The following ARID4A variants were observed in gnomAD, a reference collection of about 807,000 sequenced individuals.
ARID4A encodes the protein AT-rich interaction domain 4A.
Under a neutral mutation model 148.6 loss-of-function variants are expected in ARID4A, and 39 were observed. The ratio of observed to expected loss-of-function variants is 0.26; its 90% CI spans 0.20 to 0.34. The LOEUF is 0.34. Among genes scored for constraint, ARID4A ranks in the 10% least tolerant of loss-of-function variants. ARID4A has a pLI of 1.00. For missense variants in ARID4A, 1,265 were observed against 1,449.1 expected (o/e 0.87, Z 2.06); for synonymous variants, 475 against 481.2 (o/e 0.99, Z 0.17).
At chr14:58,343,136 G>T (rs1417327555) in intron 11 of ARID4A, among the ~76,000 whole-genome samples, 1 of 152,144 alleles carries the variant, frequency 6.6e-6, no homozygotes, top group Non-Finnish European at 1.5e-5. Context: ...ATAAAAGCAA[G>T]ATTTTTAAAT....
At chr14:58,330,255 G>A in intron 11 of ARID4A, 86 bp downstream of exon 11, 1 of 1,498,898 alleles carries the variant, frequency 6.7e-7, no homozygotes. Context: ...CCTCTGTTTA[G>A]ATTCTCTATT....
chr14:58,327,928 C>A (rs571426865), intron 8 of ARID4A, among the ~76,000 whole-genome samples: 10 of 152,318 alleles, frequency 6.6e-5, no homozygotes, highest in Non-Finnish European at 1.3e-4. Context: ...CCACCTTGAC[C>A]TCCCAAAATG....
chr14:58,349,635 A>T (rs965944689), intron 15 of ARID4A, among the ~76,000 whole-genome samples: 1 of 152,128 alleles, frequency 6.6e-6, no homozygotes, highest in East Asian at 1.9e-4. Flanking sequence ...AAGTGCTTGA[A>T]CCCAGGAGGC....
intron 4 of ARID4A, 37 bp from the exon 5 acceptor site, chr14:58,305,985 T>A: frequency 6.6e-7 from 1 of 1,521,812 alleles, no homozygotes. Flanking sequence ...GTTTATTTGT[T>A]TAAATTTGGT....
At chr14:58,299,774 G>A (rs1418418706) in intron 1 of ARID4A, 24 bp from the exon 2 acceptor site, 4 of 1,593,980 alleles carry the variant, frequency 2.5e-6, no homozygotes, top group Non-Finnish European at 3.4e-6. Context: ...TTATGTCTGT[G>A]CCTGTCTTTC....
intron 8 of ARID4A, among the ~76,000 whole-genome samples, chr14:58,324,349 C>T (rs1477699209): frequency 6.6e-6 from 1 of 152,234 alleles, no homozygotes; most frequent in African/African-American, 2.4e-5. Context: ...GAGCACAGCT[C>T]ACTGCAGCTT....
chr14:58,305,953 T>C, intron 4 of ARID4A, 69 bp from the exon 5 acceptor site: 1 of 1,063,700 alleles, frequency 9.4e-7, no homozygotes, highest in Non-Finnish European at 1.5e-6. Flanking sequence ...AGCTAGATTA[T>C]ATAGTTGGTG....
chr14:58,319,923 A>C (rs183319565), intron 7 of ARID4A, among the ~76,000 whole-genome samples: 3 of 146,902 alleles, frequency 2.0e-5, no homozygotes, highest in African/African-American at 7.5e-5. Flanking sequence ...TTCCCTCTCT[A>C]TATATATACT....
intron 7 of ARID4A, among the ~76,000 whole-genome samples, chr14:58,320,299 G>A (rs968122828): frequency 1.3e-5 from 2 of 152,062 alleles, no homozygotes; most frequent in Non-Finnish European, 2.9e-5. Context: ...AACTATTTGA[G>A]AGGAAGTGGC....
chr14:58,362,651 G>A (rs1409563101), intron 19 of ARID4A, among the ~76,000 whole-genome samples: 1 of 151,888 alleles, frequency 6.6e-6, no homozygotes, highest in Non-Finnish European at 1.5e-5. Flanking sequence ...TCCACCTCCT[G>A]GGTTCAAGCA....
In ARID4A at chr14:58,310,924, C is replaced by T. The variant is rs181363810; in HGVS notation, c.274+4812C>T. Among the ~76,000 whole-genome samples the T allele has an allele frequency of 1.5e-3, 226 of 152,110 alleles. 2 individuals are homozygous for T. Among genetic ancestry groups the T allele is most frequent in the African/African-American group, 5.1e-3 (211 of 41,496 alleles). ...GAATTTATAAGGAACTTAAACAACT[C>T]GATAGCAAGAAAACAACCCAATTTT... On this transcript the variant is annotated intron_variant, in intron 5 of 23. Transcript: ENST00000355431.
chr14:58,339,829 T>C (rs1242546960), intron 11 of ARID4A, among the ~76,000 whole-genome samples: 1 of 140,978 alleles, frequency 7.1e-6, no homozygotes, highest in Non-Finnish European at 1.5e-5. Context: ...CAAGCATATC[T>C]TCACGTGGCA....
chr14:58,337,560 G>A (rs1466798700), intron 11 of ARID4A, among the ~76,000 whole-genome samples: 2 of 151,924 alleles, frequency 1.3e-5, no homozygotes, highest in Non-Finnish European at 2.9e-5. Context: ...ACCTTGGCAG[G>A]GGGAACTAAG....
Position 58,366,151 on chromosome 14 carries a change from C to G in ARID4A, c.3444C>G (p.Ile1148Met). The G allele has an allele frequency of 6.2e-7, 1 of 1,613,892 alleles. No homozygotes were observed. Among genetic ancestry groups the G allele is most frequent in the Non-Finnish European group, 8.5e-7 (1 of 1,179,864 alleles). Residue 1148 changes from isoleucine to methionine, a missense_variant, in exon 22 of 24, where the codon ATC (isoleucine) becomes ATG (methionine). This residue lies in a region of ARID4A where 666 missense variants were observed against 730.9 expected (regional missense o/e 0.91). Transcript: ENST00000355431. ...ARSPARISPH[I>M]KDGEKDKHRE... ...CTCCTGCAAGAATATCCCCGCACAT[C>G]AAAGATGGAGAGAAAGATAAACACA...
In ARID4A at chr14:58,364,534, T is replaced by A; in HGVS notation, c.2445T>A (p.Asn815Lys). ...TAAAGATTTCATCATTTGGCCAGAA[T>A]GAAGCAGGAAGTGAACCTCATATAG... ...EIIKISSFGQ[N>K]EAGSEPHIEA... is the part of the protein sequence containing the mutation. The change falls in exon 20 of 24, where the codon AAT becomes AAA. Residue 815 changes from asparagine (N) to lysine (K), a missense_variant. By Grantham distance (94) the Asn-to-Lys change is moderately conservative. Transcript: ENST00000355431. 3.7e-6 allele frequency: 6 copies of A among 1,611,738 alleles called. No homozygotes were observed. Among genetic ancestry groups the A allele is most frequent in the Non-Finnish European group, 5.1e-6 (6 of 1,179,566 alleles).
intron 15 of ARID4A, among the ~76,000 whole-genome samples, chr14:58,349,512 A>G (rs1292334515): frequency 6.6e-6 from 1 of 151,984 alleles, no homozygotes; most frequent in East Asian, 1.9e-4. Flanking sequence ...AAAGTGCTAT[A>G]ATACATTTGC....
intron 5 of ARID4A, among the ~76,000 whole-genome samples, chr14:58,317,624 CTTT>C (rs71107933): frequency 5.7e-5 from 4 of 69,886 alleles, no homozygotes; most frequent in South Asian, 6.1e-4. Context: ...TTATATTTGT[CTTT>C]TTTTTTTTTT....
chr14:58,325,120 T>C (rs1456612132), intron 8 of ARID4A, among the ~76,000 whole-genome samples: 2 of 152,164 alleles, frequency 1.3e-5, no homozygotes, highest in Non-Finnish European at 2.9e-5. Flanking sequence ...ACAAGAGAAT[T>C]ATTTCAGAGA....
At chr14:58,332,111 A>G (rs2033563485) in intron 11 of ARID4A, among the ~76,000 whole-genome samples, 1 of 151,530 alleles carries the variant, frequency 6.6e-6, no homozygotes, top group Non-Finnish European at 1.5e-5. Flanking sequence ...TCTTATTACA[A>G]TGATTAATTT....
Sources: gnomAD v4.1 joint callset for allele counts (sites outside exome capture counted in the v4.1 genomes callset) on GRCh38, gnomAD v4.1.1 for gene constraint, gnomAD v4.1.1 regional missense constraint, MANE v1.5 for transcripts, NCBI Gene and HGNC (gene_info 2026-07-23, HGNC 2026-07-21) for gene names.